MCF2L2: variants seen among roughly 807,000 people sequenced by gnomAD.
MCF2L2 encodes MCF.2 cell line derived transforming sequence-like 2, also known as probable guanine nucleotide exchange factor MCF2L2.
A neutral mutation model predicts 150.2 loss-of-function variants in MCF2L2; 102 were observed. The ratio of observed to expected loss-of-function variants is 0.68; its 90% CI spans 0.58 to 0.80. The LOEUF (loss-of-function observed/expected upper bound fraction) is 0.80. Ranked by LOEUF, MCF2L2 falls within the 30% of genes least tolerant of loss-of-function variation. MCF2L2 has a pLI of 0.00. For missense variants in MCF2L2, 1,256 were observed against 1,372.8 expected (o/e 0.91, Z 1.34); for synonymous variants, 465 against 491.3 (o/e 0.95, Z 0.71).
chr3:183,249,989 C>A (rs1036527255), intron 15 of MCF2L2, among the ~76,000 whole-genome samples: 3 of 152,196 alleles, frequency 2.0e-5, no homozygotes, highest in African/African-American at 7.2e-5. Context: ...GATCTGAAGA[C>A]TTTCAAAGTA....
chr3:183,427,795 A>T (rs1398399666), intron 1 of MCF2L2, 107 bp downstream of exon 1: 5 of 939,544 alleles, frequency 5.3e-6, no homozygotes, highest in Non-Finnish European at 8.5e-6. Context: ...ACCCCCCAGG[A>T]AGCGCGCTGC....
intron 5 of MCF2L2, among the ~76,000 whole-genome samples, chr3:183,329,114 A>G (rs1361581179): frequency 6.6e-6 from 1 of 152,250 alleles, no homozygotes; most frequent in Non-Finnish European, 1.5e-5. Context: ...TTGCAAAAAC[A>G]GTTTGGCAAT....
chr3:183,351,523 G>A (rs1360290790), intron 3 of MCF2L2, among the ~76,000 whole-genome samples: 1 of 151,994 alleles, frequency 6.6e-6, no homozygotes, highest in Non-Finnish European at 1.5e-5. Flanking sequence ...ATTATTTTCA[G>A]TGCTAAAAAC....
intron 2 of MCF2L2, among the ~76,000 whole-genome samples, chr3:183,382,077 T>G (rs1713561411): frequency 6.6e-6 from 1 of 151,744 alleles, no homozygotes; most frequent in African/African-American, 2.4e-5. Context: ...TTATTATTAT[T>G]AGATGGAATC....
intron 15 of MCF2L2, 144 bp downstream of exon 15, chr3:183,276,728 G>A (rs1443509337): frequency 2.0e-6 from 1 of 501,168 alleles, no homozygotes; most frequent in African/African-American, 2.0e-5. Context: ...TTTGTTCTCA[G>A]GTACATAAAT....
intron 25 of MCF2L2, among the ~76,000 whole-genome samples, chr3:183,195,772 C>T (rs759521865): frequency 1.3e-5 from 2 of 152,134 alleles, no homozygotes; most frequent in Non-Finnish European, 2.9e-5. Context: ...TATTTGAGGC[C>T]ATCTCAATCT....
intron 14 of MCF2L2, chr3:183,287,900 G>A (rs1400408702): frequency 6.6e-6 from 1 of 152,142 alleles, no homozygotes; most frequent in Non-Finnish European, 1.5e-5. Context: ...TTCATATTCA[G>A]ATACTTTGGG....
intron 3 of MCF2L2, chr3:183,377,903 T>A (rs866977049): frequency 1.3e-5 from 2 of 152,144 alleles, no homozygotes; most frequent in Non-Finnish European, 2.9e-5. Flanking sequence ...GCGTGGCATA[T>A]GGCAGTGGCA....
Position 183,231,015 on chromosome 3 carries a change from C to T in MCF2L2, c.1865G>A (p.Arg622His), listed in dbSNP as rs767614039. The change falls in exon 16 of 30, where the codon CGC (arginine) becomes CAC (histidine). Residue 622 changes from arginine (R) to histidine (H), a missense_variant and splice_region_variant. Arg to His is a conservative substitution (Grantham distance 29). Coordinates refer to ENST00000328913, the MANE Select transcript of MCF2L2 (RefSeq NM_015078.4). The stretch of plus-strand genomic sequence containing the variant: ...AGTCTCAAGCAAGTCACGTATAATG[C>T]GCCTGAATCACAGCAGCAGGTGGGA... ...ARLGDLSPRR[R>H]IIRDLLETEE... 1.8e-5 allele frequency: 29 copies of T among 1,612,398 alleles called. No individual in the cohort carries two copies. Among genetic ancestry groups the T allele is most frequent in the Admixed American group, 5.0e-5 (3 of 59,986 alleles).
chr3:183,311,727 A>T lies in MCF2L2; in HGVS notation c.799T>A (p.Cys267Ser), dbSNP rs201611728. Reference protein sequence around the residue: ...LGKQGTTLLSCIQEPATKCPN... With the variant: ...LGKQGTTLLSSIQEPATKCPN... ...CATTTGGTTGCTGGTTCTTGGATGC[A>T]TGACAGCAATGTGGTCCCCTGCTTT... The change falls in exon 8 of 30, where the codon TGC (cysteine) becomes AGC (serine). Residue 267 changes from cysteine (C) to serine (S), a missense_variant. Coordinates refer to ENST00000328913, the MANE Select transcript of MCF2L2 (RefSeq NM_015078.4). The T allele has an allele frequency of 5.6e-6, 9 of 1,614,108 alleles. No homozygotes were observed. The highest frequency in any genetic ancestry group is 6.8e-6 in the Non-Finnish European group (8 of 1,179,956).
chr3:183,255,704 A>C (rs1724979874), intron 15 of MCF2L2, among the ~76,000 whole-genome samples: 1 of 152,228 alleles, frequency 6.6e-6, no homozygotes, highest in South Asian at 2.1e-4. Flanking sequence ...AGAGTTTTCA[A>C]AATAAAGTGC....
chr3:183,264,491 T>C (rs1209600907), intron 15 of MCF2L2, among the ~76,000 whole-genome samples: 4 of 152,220 alleles, frequency 2.6e-5, no homozygotes, highest in South Asian at 2.1e-4. Context: ...TGCTTTGAGA[T>C]TGGAGACTGT....
In MCF2L2 at chr3:183,211,856, C is replaced by T. The variant is rs576414201; in HGVS notation, c.2497-4033G>A. ...TGATTTATCCAAGGAGTTCATTCAG[C>T]GACGCCCCTGTACTGGGTTGAATAG... On this transcript the variant is annotated intron_variant, in intron 22 of 29. Transcript: ENST00000328913. Among the ~76,000 whole-genome samples, 25 of 152,196 alleles carry T rather than the reference C, an allele frequency of 1.6e-4. No homozygotes were observed. The South Asian group carries it at 4.6e-3, about 28-fold the overall frequency.
chr3:183,353,073 T>C (rs896314010), intron 3 of MCF2L2, among the ~76,000 whole-genome samples: 4 of 152,202 alleles, frequency 2.6e-5, no homozygotes, highest in Non-Finnish European at 4.4e-5. Context: ...AGCTGGGTGA[T>C]AGAAACATAG....
chr3:183,395,140 C>T (rs1714364276), intron 1 of MCF2L2, among the ~76,000 whole-genome samples: 1 of 152,204 alleles, frequency 6.6e-6, no homozygotes, highest in Non-Finnish European at 1.5e-5. Context: ...ATATTTTATG[C>T]ACTCATCCTA....
intron 14 of MCF2L2, 144 bp from the exon 15 acceptor site, chr3:183,277,101 G>A (rs1182011896): frequency 1.8e-5 from 11 of 615,672 alleles, no homozygotes; most frequent in African/African-American, 7.6e-5. Flanking sequence ...GCTTTCTCAG[G>A]TTTTCCCCAG....
chr3:183,387,025 A>T (rs9861770), intron 2 of MCF2L2, among the ~76,000 whole-genome samples: 104,210 of 152,110 alleles, frequency 0.69, 40,464 homozygotes, highest in Non-Finnish European at 0.85. Flanking sequence ...GAAGACTGAG[A>T]TGGAAAGACT....
intron 27 of MCF2L2, among the ~76,000 whole-genome samples, chr3:183,183,220 C>A (rs1342303371): frequency 1.3e-5 from 2 of 152,184 alleles, no homozygotes; most frequent in African/African-American, 4.8e-5. Context: ...TGGTCTTGAA[C>A]TCCTGAGCTC....
chr3:183,366,566 A>ACCCAG (rs374809882), intron 3 of MCF2L2, among the ~76,000 whole-genome samples: 9 of 152,118 alleles, frequency 5.9e-5, no homozygotes, highest in African/African-American at 2.2e-4. Flanking sequence ...AATCGCTGGA[A>ACCCAG]CCCAGCGGGG....
Sources: allele counts gnomAD v4.1 joint callset (sites outside exome capture counted in the v4.1 genomes callset), GRCh38; gene constraint gnomAD v4.1.1; transcripts MANE v1.5; gene names NCBI Gene and HGNC (gene_info 2026-07-23, HGNC 2026-07-21).